Variants in LHX6 observed in about 807,000 individuals in gnomAD.
The protein encoded by LHX6 is LIM/homeobox protein Lhx6.
LHX6 carries 15 observed loss-of-function variants against 47.1 expected under a neutral mutation model. That is an observed-to-expected ratio of 0.32 (90% CI 0.21 to 0.49). The LOEUF is 0.49. Ranked by LOEUF, LHX6 falls within the 20% of genes least tolerant of loss-of-function variation. The pLI is 0.99. For synonymous variants in LHX6, 242 were observed against 233.5 expected, an observed-to-expected ratio of 1.04 and a Z score of -0.33; for missense variants, 404 against 539.6, an observed-to-expected ratio of 0.75 and a Z score of 2.49.
rs1444640714 is a variant in LHX6 at position 122,203,186 on chromosome 9, C to T, written c.*1574G>A. Reference sequence around the variant, plus strand: ...CCTTCTTAGGCTGCACCTGTGCCTACCCTGCCTGTAGATCCCAGAGCAAGA... The same window carrying T: ...CCTTCTTAGGCTGCACCTGTGCCTATCCTGCCTGTAGATCCCAGAGCAAGA... On this transcript the variant is annotated 3_prime_UTR_variant, in exon 10 of 10. Transcript: ENST00000394319. 6.6e-6 allele frequency: 1 copy of T among 152,644 alleles called. No individual in the cohort carries two copies. Among genetic ancestry groups the T allele is most frequent in the South Asian group, 2.1e-4 (1 of 4,828 alleles). The allele number at this position is 152,644 out of a possible 1,614,324, so 9.5% of individuals were successfully genotyped here.
chr9:122,214,106 AG>A lies in LHX6; in HGVS notation c.784-38del. 6.4e-7 allele frequency: 1 copy of A among 1,555,804 alleles called. No homozygotes were observed. The highest frequency in any genetic ancestry group is 1.1e-5 in the South Asian group (1 of 88,176). ...GGAGGGCGGTGAGGCGCTCGCACGC[AG>A]AGACTCCGAGACCCCGGCCCAATCA... On this transcript the variant is annotated intron_variant, in intron 6 of 9. Coordinates refer to ENST00000394319, the MANE Select transcript of LHX6 (RefSeq NM_014368.5). The surrounding 1 kb of genome is among the most constrained non-coding windows in gnomAD (Gnocchi z 4.6).
In LHX6 at chr9:122,204,020, C is replaced by G. The variant is rs1830077009; in HGVS notation, c.*740G>C. 6.6e-6 allele frequency: 1 copy of G among 152,272 alleles called. No homozygotes were observed. The highest frequency in any genetic ancestry group is 1.5e-5 in the Non-Finnish European group (1 of 68,058). The allele number at this position is 152,272 out of a possible 1,614,324, so 9.4% of individuals were successfully genotyped here. On this transcript the variant is annotated 3_prime_UTR_variant, in exon 10 of 10. Coordinates refer to ENST00000394319, the MANE Select transcript of LHX6 (RefSeq NM_014368.5). ...CTGACCCCAGAGTTTTCTCTTTCCT[C>G]TCCTTAAAATGGCTAGTGCCTCTTC... is the stretch of plus-strand genomic sequence containing the variant.
At chr9:122,221,552 G>T (rs1830862136) in intron 4 of LHX6, 2 of 985,784 alleles carry the variant, frequency 2.0e-6, no homozygotes, top group African/African-American at 1.7e-5. Flanking sequence ...AGCCTCCAGG[G>T]CACTCACTGA....
chr9:122,222,162 C>A (rs1223681776), intron 4 of LHX6, among the ~76,000 whole-genome samples: 2 of 152,228 alleles, frequency 1.3e-5, no homozygotes, highest in East Asian at 3.9e-4. Context: ...AACTATACAG[C>A]AGGCATGATG....
At position 122,213,648 on chromosome 9, in the gene LHX6, G is replaced by A. The variant is rs769359783; in HGVS notation, c.1012C>T (p.Pro338Ser). The A allele has an allele frequency of 1.2e-6, 2 of 1,609,840 alleles. No individual in the cohort carries two copies. Among genetic ancestry groups the A allele is most frequent in the Non-Finnish European group, 1.7e-6 (2 of 1,178,398 alleles). Residue 338 changes from proline to serine, a missense_variant, in exon 8 of 10, where the codon CCC becomes TCC. Coordinates refer to ENST00000394319, the MANE Select transcript of LHX6 (RefSeq NM_014368.5). This position sits in a 1 kb window ranked among gnomAD's most constrained non-coding sequence, Gnocchi z 5.5. ...AGGGTGACCATGCGCGCCCGCTCGG[G>A]GCTGCTGAACGGGGTGTAGTGGATG... ...DDIHYTPFSS[P>S]ERARMVTLHG...
At chr9:122,216,719 G>GTGGA (rs1830605509) in intron 5 of LHX6, among the ~76,000 whole-genome samples, 1 of 152,142 alleles carries the variant, frequency 6.6e-6, no homozygotes, top group African/African-American at 2.4e-5. Flanking sequence ...CTGTCCAAAG[G>GTGGA]TGGAGTAGGC....
At chr9:122,225,308 G>A (rs142342308) in intron 4 of LHX6, among the ~76,000 whole-genome samples, 568 of 152,360 alleles carry the variant, frequency 3.7e-3, no homozygotes, top group Middle Eastern at 0.01. Context: ...ATCCCTCTCA[G>A]GAAGTGATTC....
In LHX6 at chr9:122,226,911, C is replaced by T. The variant is rs1294979671; in HGVS notation, c.276G>A (p.Pro92=). ...TGGAGCAGATGTTCTTGCCTGCAGA[C>T]GGCACGGAGGAGGCGGCAGAGGGCG... The part of the protein sequence containing the change: ...CSPPSAASSV[P]SAGKNICSSC... Residue 92 remains proline (P), a synonymous_variant, in exon 3 of 10, where the codon CCG becomes CCA. Transcript: ENST00000394319. The surrounding 1 kb of genome is among the most constrained non-coding windows in gnomAD (Gnocchi z 6.5). 6.4e-7 allele frequency: 1 copy of T among 1,563,534 alleles called. No homozygotes were observed. Among genetic ancestry groups the T allele is most frequent in the East Asian group, 2.3e-5 (1 of 42,644 alleles).
chr9:122,218,286 C>T (rs1830673740), intron 4 of LHX6, among the ~76,000 whole-genome samples: 1 of 152,240 alleles, frequency 6.6e-6, no homozygotes, highest in South Asian at 2.1e-4. Flanking sequence ...GTGACTCTGT[C>T]CCAACCCTAG....
intron 1 of LHX6, chr9:122,228,268 A>G (rs1410766974): frequency 6.5e-7 from 1 of 1,534,900 alleles, no homozygotes; most frequent in Non-Finnish European, 8.7e-7. Context: ...GCTCAAGGGG[A>G]GGAAAAAGCA....
In LHX6 at chr9:122,217,610, T is replaced by C. The variant is rs1408409019; in HGVS notation, c.462-322A>G. ...CACAATAATAGTAATAATAAGCAAGTTGTTGAGCACTTACCACTTGCCCAG... is the reference window on the plus strand; with the variant it reads ...CACAATAATAGTAATAATAAGCAAGCTGTTGAGCACTTACCACTTGCCCAG... On this transcript the variant is annotated intron_variant, in intron 4 of 9. Transcript: ENST00000394319. The surrounding 1 kb of genome is among the most constrained non-coding windows in gnomAD (Gnocchi z 4.9). Among the ~76,000 whole-genome samples, 5 of 152,248 alleles carry C rather than the reference T, an allele frequency of 3.3e-5. No homozygotes were observed. The highest frequency in any genetic ancestry group is 7.3e-5 in the Non-Finnish European group (5 of 68,038).
At chr9:122,215,423 G>C (rs1007931549) in intron 5 of LHX6, among the ~76,000 whole-genome samples, 1 of 152,216 alleles carries the variant, frequency 6.6e-6, no homozygotes, top group African/African-American at 2.4e-5. Flanking sequence ...AGCCAATACT[G>C]AGGGCTGATC....
At chr9:122,227,142 G>T in intron 2 of LHX6, 112 bp from the exon 3 acceptor site, 1 of 1,047,072 alleles carries the variant, frequency 9.6e-7, no homozygotes, top group Non-Finnish European at 1.3e-6. Context: ...AATCTCCCCA[G>T]GACAATGCGC....
At chr9:122,228,576 G>A (rs1437363100) in intron 1 of LHX6, 81 bp downstream of exon 1, 20 of 1,240,110 alleles carry the variant, frequency 1.6e-5, no homozygotes, top group African/African-American at 3.8e-5. Flanking sequence ...GCAACCGCCC[G>A]CCACCCTGCT....
At chr9:122,212,819 A>C (rs762437472) in intron 8 of LHX6, among the ~76,000 whole-genome samples, 4 of 152,186 alleles carry the variant, frequency 2.6e-5, no homozygotes, top group Non-Finnish European at 5.9e-5. Context: ...GGAGCACAGA[A>C]GCTTTGGTCT....
At position 122,226,630 on chromosome 9, in the gene LHX6, C is replaced by T. The variant is rs1831113648; in HGVS notation, c.340-133G>A. 1.5e-6 allele frequency: 2 copies of T among 1,360,972 alleles called. No homozygotes were observed. The highest frequency in any genetic ancestry group is 4.7e-5 in the East Asian group (2 of 42,652). 84.3% of individuals were successfully genotyped at this position (1,360,972 alleles called of 1,614,324 possible). A position where few individuals can be genotyped will look rare whatever the true frequency, so the allele number is the denominator to read the frequency against. On this transcript the variant is annotated intron_variant, in intron 3 of 9. Transcript: ENST00000394319. The surrounding 1 kb of genome is among the most constrained non-coding windows in gnomAD (Gnocchi z 6.5). ...GCATGCGATTCCCCTATTTTTCTCC[C>T]GTAATACTGAGACTCAGGGAAATGG...
Position 122,217,333 on chromosome 9 carries a change from G to A in LHX6, c.462-45C>T. On this transcript the variant is annotated intron_variant, in intron 4 of 9. Transcript: ENST00000394319. This position sits in a 1 kb window ranked among gnomAD's most constrained non-coding sequence, Gnocchi z 4.9. ...GCACGGGGTGTCGAGACTCAGACAG[G>A]CCAACCTTCCTCCTTCCACCACCCA... The A allele has an allele frequency of 1.3e-6, 2 of 1,513,776 alleles. No individual in the cohort carries two copies. The highest frequency in any genetic ancestry group is 2.4e-5 in the South Asian group (2 of 83,260). 93.8% of individuals were successfully genotyped at this position (1,513,776 alleles called of 1,614,324 possible). A position where few individuals can be genotyped will look rare whatever the true frequency, so the allele number is the denominator to read the frequency against.
chr9:122,228,133 G>A (rs1831188363), intron 1 of LHX6: 2 of 480,996 alleles, frequency 4.2e-6, no homozygotes, highest in Admixed American at 3.9e-5. Context: ...TGACACGCGC[G>A]GCGAAATTGA....
chr9:122,206,821 C>T lies in LHX6; in HGVS notation c.1159-2041G>A, dbSNP rs539661659. Among the ~76,000 whole-genome samples, 3 of 152,260 alleles carry T rather than the reference C, an allele frequency of 2.0e-5. No individual in the cohort carries two copies. In the East Asian group the frequency reaches 5.8e-4, roughly 29 times the overall value. On this transcript the variant is annotated intron_variant, in intron 9 of 9. Coordinates refer to ENST00000394319, the MANE Select transcript of LHX6 (RefSeq NM_014368.5). ...GGCCCCTGTCGGCTCTCCCCACTTCCCTGGACCTCAGCCACACTGAACGTC... is the reference window on the plus strand; with the variant it reads ...GGCCCCTGTCGGCTCTCCCCACTTCTCTGGACCTCAGCCACACTGAACGTC...
Sources: gnomAD v4.1 joint callset for allele counts (sites outside exome capture counted in the v4.1 genomes callset) on GRCh38, gnomAD v4.1.1 for gene constraint, Gnocchi (gnomAD v3.1) non-coding constraint, MANE v1.5 for transcripts, NCBI Gene and HGNC (gene_info 2026-07-23, HGNC 2026-07-21) for gene names.